The following LDLRAP1 variants were observed in gnomAD, a reference collection of about 807,000 sequenced individuals.
LDLRAP1 encodes the protein low density lipoprotein receptor adaptor protein 1, also known as low density lipoprotein receptor adapter protein 1.
In LDLRAP1, 30 loss-of-function variants were observed where a neutral mutation model predicts 37.8. That is an observed-to-expected ratio of 0.79 (90% CI 0.59 to 1.08). The LOEUF (loss-of-function observed/expected upper bound fraction) is 1.08. LDLRAP1 is among the 50% of genes least tolerant of loss of function. LDLRAP1 has a pLI of 0.00. For synonymous variants in LDLRAP1, 156 were observed against 169.8 expected, an observed-to-expected ratio of 0.92 and a Z score of 0.63; for missense variants, 375 against 401.6, an observed-to-expected ratio of 0.93 and a Z score of 0.57.
chr1:25,561,700 A>T (rs778571446), intron 4 of LDLRAP1, among the ~76,000 whole-genome samples: 7 of 152,136 alleles, frequency 4.6e-5, no homozygotes, highest in Admixed American at 1.3e-4. Flanking sequence ...TGAGATGAAT[A>T]TGGGCTGGGG....
At chr1:25,586,862 C>G in the LDLRAP1 span, among the ~76,000 whole-genome samples, 1 of 152,156 alleles carries the variant, frequency 6.6e-6, no homozygotes, top group Non-Finnish European at 1.5e-5. The surrounding 1 kb of genome is among the most constrained non-coding windows in gnomAD (Gnocchi z 4.3). Flanking sequence ...GACTCTAGTT[C>G]TAAGCTGAGA....
At chr1:25,585,129 G>A in the LDLRAP1 span, among the ~76,000 whole-genome samples, 1 of 152,118 alleles carries the variant, frequency 6.6e-6, no homozygotes, top group African/African-American at 2.4e-5. Context: ...TGAGGCTGGC[G>A]GTGGCGACAG....
the LDLRAP1 span, among the ~76,000 whole-genome samples, chr1:25,576,623 A>G: frequency 1.3e-5 from 2 of 152,276 alleles, no homozygotes. Context: ...GTGCCCGGCC[A>G]GTGGTGGCTG....
At position 25,568,245 on chromosome 1, in the gene LDLRAP1, A is replaced by C. The variant is rs2044536354; in HGVS notation, c.*1253A>C. On this transcript the variant is annotated 3_prime_UTR_variant, in exon 9 of 9. Coordinates refer to ENST00000374338, the MANE Select transcript of LDLRAP1 (RefSeq NM_015627.3). ...ATTTCCGTGAAAATGCAAGTGTTTG[A>C]AGTCTGCTCATTCCGAGGGTGAAAC... The C allele has an allele frequency of 6.6e-6, 1 of 152,604 alleles. No homozygotes were observed. The highest frequency in any genetic ancestry group is 2.4e-5 in the African/African-American group (1 of 41,450). The allele number at this position is 152,604 out of a possible 1,614,324, so 9.5% of individuals were successfully genotyped here. A position where few individuals can be genotyped will look rare whatever the true frequency, so the allele number is the denominator to read the frequency against.
chr1:25,560,428 G>A (rs2044316651), intron 4 of LDLRAP1, among the ~76,000 whole-genome samples: 2 of 152,076 alleles, frequency 1.3e-5, no homozygotes, highest in South Asian at 4.1e-4. Context: ...CCTCCCTGGT[G>A]CTGCTGGGCA....
Position 25,555,704 on chromosome 1 carries a change from CCAGTAGTAGGGT to C in LDLRAP1, c.344+739_344+750del, listed in dbSNP as rs2044181584. Among the ~76,000 whole-genome samples, 1 of 152,180 alleles carries C rather than the reference CCAGTAGTAGGGT, an allele frequency of 6.6e-6. No individual in the cohort carries two copies. Among genetic ancestry groups the C allele is most frequent in the Admixed American group, 6.5e-5 (1 of 15,280 alleles). On this transcript the variant is annotated intron_variant, in intron 3 of 8. Coordinates refer to ENST00000374338, the MANE Select transcript of LDLRAP1 (RefSeq NM_015627.3). This position sits in a 1 kb window ranked among gnomAD's most constrained non-coding sequence, Gnocchi z 4.7. ...ATGGCTCAGCCCGTTGGTGCACAGG[CCAGTAGTAGGGT>C]CAGTAGATGTGTGTTGTGGGGGTCT...
chr1:25,558,936 G>A (rs1043364057), intron 4 of LDLRAP1, among the ~76,000 whole-genome samples: 1 of 152,180 alleles, frequency 6.6e-6, no homozygotes, highest in Non-Finnish European at 1.5e-5. Flanking sequence ...CTGATTTGCT[G>A]TGTTACCTTG....
At chr1:25,551,128 G>A (rs1572028405) in intron 1 of LDLRAP1, among the ~76,000 whole-genome samples, 1 of 152,124 alleles carries the variant, frequency 6.6e-6, no homozygotes, top group East Asian at 1.9e-4. Context: ...AAGGATCAGA[G>A]GGAAGTAGAG....
chr1:25,549,178 C>T (rs112858475), intron 1 of LDLRAP1, among the ~76,000 whole-genome samples: 64 of 152,360 alleles, frequency 4.2e-4, no homozygotes, highest in African/African-American at 1.4e-3. Flanking sequence ...CTTCTGGTGA[C>T]GCTCCTGAGG....
chr1:25,552,779 G>A (rs1419791825), intron 1 of LDLRAP1, among the ~76,000 whole-genome samples: 1 of 152,194 alleles, frequency 6.6e-6, no homozygotes, highest in Non-Finnish European at 1.5e-5. Flanking sequence ...ACGTGGTGGG[G>A]CGCTCTTTCC....
the LDLRAP1 span, among the ~76,000 whole-genome samples, chr1:25,579,681 T>C: frequency 6.6e-6 from 1 of 152,256 alleles, no homozygotes; most frequent in African/African-American, 2.4e-5. Context: ...GAAATCTTCG[T>C]GCCATTCATG....
chr1:25,583,389 C>T, the LDLRAP1 span, among the ~76,000 whole-genome samples: 1 of 151,962 alleles, frequency 6.6e-6, no homozygotes, highest in South Asian at 2.1e-4. Context: ...GATGGGGTTT[C>T]GCCATGTTGG....
intron 1 of LDLRAP1, among the ~76,000 whole-genome samples, chr1:25,550,677 C>A (rs1438157877): frequency 1.3e-5 from 2 of 152,128 alleles, no homozygotes; most frequent in East Asian, 1.9e-4. Flanking sequence ...CTCTGACTTG[C>A]CATGTTACCT....
At position 25,563,918 on chromosome 1, in the gene LDLRAP1, C is replaced by T. The variant is rs148113843; in HGVS notation, c.747+127C>T. The T allele has an allele frequency of 6.6e-4, 804 of 1,216,072 alleles. 6 individuals carry two copies. The African/African-American group carries it at 0.01, about 16-fold the overall frequency. 75.3% of individuals were successfully genotyped at this position (1,216,072 alleles called of 1,614,324 possible). A position where few individuals can be genotyped will look rare whatever the true frequency, so the allele number is the denominator to read the frequency against. On this transcript the variant is annotated intron_variant, in intron 7 of 8. Coordinates refer to ENST00000374338, the MANE Select transcript of LDLRAP1 (RefSeq NM_015627.3). Reference sequence around the variant, plus strand: ...GCCTCTGGGAGGACCAGACCCAGCCCGGTAGTGCCCAGGCGCAGGATAGGG... The same window carrying T: ...GCCTCTGGGAGGACCAGACCCAGCCTGGTAGTGCCCAGGCGCAGGATAGGG...
At chr1:25,548,813 G>A (rs1403927410) in intron 1 of LDLRAP1, among the ~76,000 whole-genome samples, 1 of 152,062 alleles carries the variant, frequency 6.6e-6, no homozygotes, top group African/African-American at 2.4e-5. Context: ...GGTGCACACT[G>A]CCACGCCCAG....
At chr1:25,580,131 T>C in the LDLRAP1 span, among the ~76,000 whole-genome samples, 1 of 152,170 alleles carries the variant, frequency 6.6e-6, no homozygotes, top group East Asian at 1.9e-4. Flanking sequence ...AGAAGATGTC[T>C]GCTTCTGTCT....
At chr1:25,582,344 T>TGGGA in the LDLRAP1 span, among the ~76,000 whole-genome samples, 2 of 152,216 alleles carry the variant, frequency 1.3e-5, no homozygotes, top group Non-Finnish European at 2.9e-5. Flanking sequence ...CCCAGCACTT[T>TGGGA]GGGAGGCCAA....
chr1:25,580,750 A>G, the LDLRAP1 span, among the ~76,000 whole-genome samples: 1 of 152,162 alleles, frequency 6.6e-6, no homozygotes, highest in South Asian at 2.1e-4. Flanking sequence ...GGTCTCAAGC[A>G]GTCCTCCTGC....
chr1:25,589,308 G>GAAAGAAAGAAAGAAAGAAAGAA, the LDLRAP1 span, among the ~76,000 whole-genome samples: 3 of 148,680 alleles, frequency 2.0e-5, no homozygotes, highest in East Asian at 5.9e-4. Context: ...CATCTCAAAA[G>GAAAGAAAGAAAGAAAGAAAGAA]AAAGAAAGAA....
Sources: gnomAD v4.1 joint callset for allele counts (sites outside exome capture counted in the v4.1 genomes callset) on GRCh38, gnomAD v4.1.1 for gene constraint, Gnocchi (gnomAD v3.1) non-coding constraint, MANE v1.5 for transcripts, NCBI Gene and HGNC (gene_info 2026-07-23, HGNC 2026-07-21) for gene names.